Variants in NEK1 observed in about 807,000 individuals in gnomAD.
NEK1 encodes serine/threonine-protein kinase Nek1.
A neutral mutation model predicts 182.1 loss-of-function variants in NEK1; 137 were observed. The ratio of observed to expected loss-of-function variants is 0.75; its 90% CI spans 0.65 to 0.87. NEK1 has a LOEUF of 0.87. Among genes scored for constraint, NEK1 ranks in the 40% least tolerant of loss-of-function variants. The pLI is 0.00. For synonymous variants in NEK1, 513 were observed against 492.2 expected, an observed-to-expected ratio of 1.04 and a Z score of -0.56; for missense variants, 1,391 against 1,494.4, an observed-to-expected ratio of 0.93 and a Z score of 1.14.
At chr4:169,456,188 A>G (rs939686754) in intron 27 of NEK1, among the ~76,000 whole-genome samples, 1 of 152,152 alleles carries the variant, frequency 6.6e-6, no homozygotes, top group African/African-American at 2.4e-5. Flanking sequence ...AACACAATAT[A>G]CCAATACCTC....
intron 2 of NEK1, among the ~76,000 whole-genome samples, chr4:169,607,620 G>A (rs977459521): frequency 4.6e-5 from 7 of 151,932 alleles, no homozygotes; most frequent in South Asian, 4.2e-4. Flanking sequence ...CTGCCACCAC[G>A]CCCGGCTAAT....
At chr4:169,473,137 G>A (rs1480284493) in intron 26 of NEK1, among the ~76,000 whole-genome samples, 11 of 151,170 alleles carry the variant, frequency 7.3e-5, no homozygotes, top group African/African-American at 1.9e-4. Flanking sequence ...ATGGCAGCAC[G>A]TGCCTGTAGT....
chr4:169,587,261 T>C (rs1767686189), intron 9 of NEK1, among the ~76,000 whole-genome samples: 1 of 151,958 alleles, frequency 6.6e-6, no homozygotes. Flanking sequence ...TTTATTAAGC[T>C]GAAATATCAA....
intron 23 of NEK1, among the ~76,000 whole-genome samples, chr4:169,498,500 C>T (rs1166163055): frequency 3.3e-5 from 5 of 152,114 alleles, no homozygotes; most frequent in Admixed American, 6.5e-5. Flanking sequence ...TTACTAGCCT[C>T]GATGGTCTTT....
intron 35 of NEK1, among the ~76,000 whole-genome samples, chr4:169,395,219 C>T (rs1198756929): frequency 6.6e-6 from 1 of 152,148 alleles, no homozygotes; most frequent in Non-Finnish European, 1.5e-5. Flanking sequence ...TCATTAAAAT[C>T]CAAGGGTCAT....
chr4:169,445,609 G>A (rs1358159359), intron 27 of NEK1, among the ~76,000 whole-genome samples: 1 of 151,616 alleles, frequency 6.6e-6, no homozygotes, highest in East Asian at 1.9e-4. Context: ...CTTATAAGTG[G>A]AACCTAAATA....
intron 9 of NEK1, among the ~76,000 whole-genome samples, chr4:169,586,142 G>A (rs1767491984): frequency 6.6e-6 from 1 of 151,846 alleles, no homozygotes; most frequent in South Asian, 2.1e-4. Context: ...AAAGTAAAAA[G>A]AAAACAAGAG....
At chr4:169,571,042 G>A (rs1033747220) in intron 12 of NEK1, among the ~76,000 whole-genome samples, 2 of 151,766 alleles carry the variant, frequency 1.3e-5, no homozygotes, top group Non-Finnish European at 1.5e-5. Flanking sequence ...CAAACACTGC[G>A]GAAGGCTGCA....
At chr4:169,512,384 T>C (rs1156528640) in intron 19 of NEK1, among the ~76,000 whole-genome samples, 2 of 152,132 alleles carry the variant, frequency 1.3e-5, no homozygotes, top group African/African-American at 2.4e-5. Context: ...TATCTCTTCA[T>C]GTGTTACCTG....
chr4:169,609,299 C>T (rs1480504103), intron 2 of NEK1, among the ~76,000 whole-genome samples: 1 of 152,078 alleles, frequency 6.6e-6, no homozygotes, highest in African/African-American at 2.4e-5. Flanking sequence ...GCAACATCTA[C>T]CAAAATTATA....
chr4:169,471,913 T>G (rs140078903), intron 26 of NEK1, among the ~76,000 whole-genome samples: 288 of 152,208 alleles, frequency 1.9e-3, no homozygotes, highest in African/African-American at 6.8e-3. Flanking sequence ...GTTCAAACTT[T>G]CTGTCAGCTT....
At chr4:169,552,646 A>G (rs541983206) in intron 18 of NEK1, among the ~76,000 whole-genome samples, 1 of 152,270 alleles carries the variant, frequency 6.6e-6, no homozygotes, top group East Asian at 1.9e-4. Context: ...AGGAAGAAAT[A>G]TAACTGTCTT....
At chr4:169,431,526 T>TAACAG (rs1561175343) in intron 29 of NEK1, among the ~76,000 whole-genome samples, 1 of 151,570 alleles carries the variant, frequency 6.6e-6, no homozygotes, top group African/African-American at 2.4e-5. Context: ...GTAGACAGAC[T>TAACAG]AATAGGAAAA....
Position 169,572,167 on chromosome 4 carries a change from G to GT in NEK1, c.1020+4760dup, listed in dbSNP as rs563638493. On this transcript the variant is annotated intron_variant, in intron 12 of 35. Coordinates refer to ENST00000507142, the MANE Select transcript of NEK1 (RefSeq NM_001199397.3). ...GCTCACATGAGAACAGACTAAGAGG[G>GT]TAAGTCTGAAAGCAGTTAGACTAAT... Among the ~76,000 whole-genome samples the GT allele has an allele frequency of 2.0e-4, 31 of 152,286 alleles. No homozygotes were observed. In the East Asian group the frequency reaches 5.4e-3, roughly 27 times the overall value.
intron 23 of NEK1, among the ~76,000 whole-genome samples, chr4:169,495,537 C>T (rs7435438): frequency 1.1e-4 from 16 of 152,062 alleles, no homozygotes; most frequent in Non-Finnish European, 1.9e-4. Context: ...CCACCGTGCC[C>T]GGCCCATTTA....
chr4:169,438,053 T>A lies in NEK1; in HGVS notation c.2764+30A>T, dbSNP rs752811659. On this transcript the variant is annotated intron_variant, in intron 28 of 35. Coordinates refer to ENST00000507142, the MANE Select transcript of NEK1 (RefSeq NM_001199397.3). ...AAATTTAAGTTTTTACTAAATCAAATATAGCTCATTTTGACTCATTAGAAC... is the reference window on the plus strand; with the variant it reads ...AAATTTAAGTTTTTACTAAATCAAAAATAGCTCATTTTGACTCATTAGAAC... 21 of 1,545,860 alleles carry A rather than the reference T, an allele frequency of 1.4e-5. 1 individual carries two copies. The highest frequency in any genetic ancestry group is 1.9e-5 in the Admixed American group (1 of 53,244).
intron 18 of NEK1, among the ~76,000 whole-genome samples, chr4:169,549,031 T>C (rs892625390): frequency 1.5e-4 from 23 of 152,146 alleles, no homozygotes; most frequent in Middle Eastern, 3.2e-3. Context: ...AAAAACTCCT[T>C]TGGCTACCTC....
intron 31 of NEK1, among the ~76,000 whole-genome samples, chr4:169,420,310 C>T (rs1735269980): frequency 6.6e-6 from 1 of 152,192 alleles, no homozygotes; most frequent in Non-Finnish European, 1.5e-5. Context: ...GGCCGTTTTA[C>T]AGTTCACTTT....
chr4:169,436,592 T>C (rs1738453551), intron 28 of NEK1, among the ~76,000 whole-genome samples: 1 of 152,128 alleles, frequency 6.6e-6, no homozygotes, highest in African/African-American at 2.4e-5. Flanking sequence ...AGAGATTAAT[T>C]GAAGAAAAAA....
Sources: allele counts gnomAD v4.1 joint callset (sites outside exome capture counted in the v4.1 genomes callset), GRCh38; gene constraint gnomAD v4.1.1; transcripts MANE v1.5; gene names NCBI Gene and HGNC (gene_info 2026-07-23, HGNC 2026-07-21).